Variants in BTAF1 observed in about 807,000 individuals in gnomAD.
BTAF1 encodes TATA-binding protein-associated factor 172.
A neutral mutation model predicts 227.1 loss-of-function variants in BTAF1; 38 were observed. That is an observed-to-expected ratio of 0.17 (90% CI 0.13 to 0.22). The LOEUF is 0.22. Among genes scored for constraint, BTAF1 ranks in the 10% least tolerant of loss-of-function variants. The probability of loss-of-function intolerance (pLI) is 1.00; values close to 1 mark genes in which losing one functional copy is unlikely to be tolerated. For synonymous variants in BTAF1, 742 were observed against 751.9 expected, an observed-to-expected ratio of 0.99 and a Z score of 0.21; for missense variants, 1,598 against 2,204.0, an observed-to-expected ratio of 0.73 and a Z score of 5.51.
At chr10:91,995,502 C>A (rs1300795018) in intron 23 of BTAF1, among the ~76,000 whole-genome samples, 1 of 151,752 alleles carries the variant, frequency 6.6e-6, no homozygotes, top group Admixed American at 6.6e-5. Context: ...TGGTGAAACC[C>A]CCATCTCTAC....
At chr10:91,939,402 G>A (rs1039622063) in intron 2 of BTAF1, among the ~76,000 whole-genome samples, 2 of 152,150 alleles carry the variant, frequency 1.3e-5, no homozygotes, top group South Asian at 2.1e-4. Context: ...TAAAATGGGT[G>A]TTATTTTTAA....
At chr10:91,991,797 G>GTATATA (rs1166615338) in intron 20 of BTAF1, among the ~76,000 whole-genome samples, 94 of 9,978 alleles carry the variant, frequency 9.4e-3, no homozygotes, top group African/African-American at 0.016. Flanking sequence ...GTGTGTGTGT[G>GTATATA]TATATATATA....
At chr10:92,025,811 A>C (rs1205463455) in intron 35 of BTAF1, among the ~76,000 whole-genome samples, 1 of 17,678 alleles carries the variant, frequency 5.7e-5, no homozygotes, top group Non-Finnish European at 9.6e-5. Flanking sequence ...ACTCTGTCTC[A>C]AAAAAAAAAA....
intron 15 of BTAF1, among the ~76,000 whole-genome samples, chr10:91,980,967 A>G (rs770555235): frequency 1.3e-5 from 2 of 152,120 alleles, no homozygotes; most frequent in African/African-American, 2.4e-5. Context: ...TAGAGTGATC[A>G]TATGTGTTAG....
intron 5 of BTAF1, among the ~76,000 whole-genome samples, chr10:91,951,840 T>C (rs1398161164): frequency 1.3e-5 from 2 of 152,174 alleles, no homozygotes; most frequent in Non-Finnish European, 2.9e-5. Flanking sequence ...CTGCAATTGC[T>C]CTTTTTTTGG....
intron 25 of BTAF1, among the ~76,000 whole-genome samples, chr10:92,004,113 A>G (rs773404730): frequency 1.3e-4 from 19 of 151,834 alleles, no homozygotes; most frequent in Non-Finnish European, 2.9e-5. Context: ...AGTTCCTTTT[A>G]TATTTTAGAT....
chr10:91,930,377 T>TA (rs1447081680), intron 1 of BTAF1, among the ~76,000 whole-genome samples: 1 of 152,202 alleles, frequency 6.6e-6, no homozygotes, highest in East Asian at 1.9e-4. Context: ...GAGTGCTTTC[T>TA]ATGTTATAGG....
intron 17 of BTAF1, 89 bp downstream of exon 17, chr10:91,982,314 T>G: frequency 3.9e-6 from 6 of 1,529,438 alleles, no homozygotes; most frequent in Non-Finnish European, 5.4e-6. Context: ...CTCTGCTGTC[T>G]CCATCAGTCC....
intron 21 of BTAF1, among the ~76,000 whole-genome samples, chr10:91,992,731 G>A (rs1397462550): frequency 6.6e-6 from 1 of 152,184 alleles, no homozygotes; most frequent in Non-Finnish European, 1.5e-5. Flanking sequence ...TGAACAGCCA[G>A]TTATCCCACT....
At position 92,011,197 on chromosome 10, in the gene BTAF1, ACT is replaced by A. The variant is rs753142690; in HGVS notation, c.4181+50_4181+51del. On this transcript the variant is annotated intron_variant, in intron 29 of 37. Transcript: ENST00000265990. Reference sequence around the variant, plus strand: ...AGAAAAATTAATATCAAATTTGAAGACTCTTAATATTTTCCCACTTTAAAGAT... The same window carrying A: ...AGAAAAATTAATATCAAATTTGAAGACTTAATATTTTCCCACTTTAAAGAT... The A allele has an allele frequency of 2.7e-5, 41 of 1,520,960 alleles. No homozygotes were observed. The Admixed American group carries it at 4.4e-4, about 16-fold the overall frequency. 94.2% of individuals were successfully genotyped at this position (1,520,960 alleles called of 1,614,324 possible).
chr10:92,019,263 C>T (rs776601809), intron 34 of BTAF1, among the ~76,000 whole-genome samples: 2 of 152,152 alleles, frequency 1.3e-5, no homozygotes, highest in Admixed American at 1.3e-4. Flanking sequence ...CTTGTTCTAG[C>T]CCCTGGTAAT....
In BTAF1 at chr10:91,969,200, C is replaced by T. The variant is rs188823920; in HGVS notation, c.1650+2443C>T. ...TATTGTTTTTTAAAGCCCTTTTATT[C>T]CTTATTAGGTGATCAAGCCACCTGC... is the stretch of plus-strand genomic sequence containing the variant. On this transcript the variant is annotated intron_variant, in intron 14 of 37. Transcript: ENST00000265990. Among the ~76,000 whole-genome samples, 50 of 151,416 alleles carry T rather than the reference C, an allele frequency of 3.3e-4. No individual in the cohort carries two copies. The East Asian group carries it at 9.3e-3, about 28-fold the overall frequency.
chr10:91,943,520 T>G (rs577644535), intron 4 of BTAF1, among the ~76,000 whole-genome samples: 1 of 152,336 alleles, frequency 6.6e-6, no homozygotes, highest in South Asian at 2.1e-4. Flanking sequence ...CTGTTGCTAA[T>G]TAATCGTCAT....
chr10:91,978,725 T>C (rs575640301), intron 14 of BTAF1, among the ~76,000 whole-genome samples: 2 of 151,952 alleles, frequency 1.3e-5, no homozygotes, highest in African/African-American at 4.8e-5. Flanking sequence ...TGGACATTTC[T>C]ATCCAATGAA....
At chr10:91,986,750 A>T (rs550681218) in intron 19 of BTAF1, among the ~76,000 whole-genome samples, 29 of 152,218 alleles carry the variant, frequency 1.9e-4, no homozygotes, top group African/African-American at 6.7e-4. Context: ...CCCCTTCTTT[A>T]AGATTTGCTT....
intron 33 of BTAF1, among the ~76,000 whole-genome samples, chr10:92,018,188 A>G (rs1156306355): frequency 4.6e-5 from 7 of 151,966 alleles, no homozygotes; most frequent in Admixed American, 3.9e-4. Flanking sequence ...GGTTCAAGCA[A>G]TTTTCCTGCC....
chr10:91,984,764 A>T (rs529828398), intron 19 of BTAF1, among the ~76,000 whole-genome samples: 9 of 152,308 alleles, frequency 5.9e-5, no homozygotes, highest in African/African-American at 2.2e-4. Flanking sequence ...ATATTCAAAC[A>T]TATAGAAAAA....
intron 25 of BTAF1, among the ~76,000 whole-genome samples, chr10:92,007,860 C>T (rs1850034361): frequency 6.6e-6 from 1 of 152,216 alleles, no homozygotes; most frequent in Non-Finnish European, 1.5e-5. Flanking sequence ...AACTATGCAA[C>T]TTTATATGCC....
chr10:91,953,073 T>G (rs1184874006), intron 5 of BTAF1, among the ~76,000 whole-genome samples: 1 of 152,218 alleles, frequency 6.6e-6, no homozygotes, highest in Non-Finnish European at 1.5e-5. Context: ...TGCTTATATA[T>G]GTGCCCATGG....
Sources: allele counts gnomAD v4.1 joint callset (sites outside exome capture counted in the v4.1 genomes callset), GRCh38; gene constraint gnomAD v4.1.1; transcripts MANE v1.5; gene names NCBI Gene and HGNC (gene_info 2026-07-23, HGNC 2026-07-21).